The following PCDH9 variants were observed in gnomAD, a reference collection of about 807,000 sequenced individuals.
PCDH9 encodes protocadherin 9.
Under a neutral mutation model 70.6 loss-of-function variants are expected in PCDH9, and 24 were observed. The ratio of observed to expected loss-of-function variants is 0.34; its 90% CI spans 0.25 to 0.48. PCDH9 has a LOEUF of 0.48. PCDH9 is among the 20% of genes least tolerant of loss of function. PCDH9 has a pLI of 0.99. For synonymous variants in PCDH9, 562 were observed against 558.5 expected, an observed-to-expected ratio of 1.01 and a Z score of -0.09; for missense variants, 1,281 against 1,503.6, an observed-to-expected ratio of 0.85 and a Z score of 2.45.
At chr13:66,941,346 A>T (rs2083003626) in intron 2 of PCDH9, among the ~76,000 whole-genome samples, 1 of 151,884 alleles carries the variant, frequency 6.6e-6, no homozygotes, top group Non-Finnish European at 1.5e-5. Flanking sequence ...AAGCAAAAAA[A>T]TGAACAAATG....
chr13:66,361,677 T>C (rs1956473536), intron 4 of PCDH9, among the ~76,000 whole-genome samples: 1 of 152,168 alleles, frequency 6.6e-6, no homozygotes, highest in Non-Finnish European at 1.5e-5. Flanking sequence ...CACCCTATTG[T>C]ATAAATTCAT....
chr13:66,572,018 G>A (rs75761440), intron 4 of PCDH9, among the ~76,000 whole-genome samples: 1 of 151,854 alleles, frequency 6.6e-6, no homozygotes, highest in Non-Finnish European at 1.5e-5. Flanking sequence ...AAAAAGAAAG[G>A]AATATAATTT....
In PCDH9 at chr13:67,225,789, A is replaced by G. The variant is rs756196323; in HGVS notation, c.2652T>C (p.Phe884=). The change falls in exon 2 of 5, where the codon TTT becomes TTC. Residue 884 remains phenylalanine, a synonymous_variant. Transcript: ENST00000377865. ...CGGGTTTGGACTCTTCGATAGTAACAAAGTTCAAAAGAGAGCTTTTGGGAG... is the reference window on the plus strand; with the variant it reads ...CGGGTTTGGACTCTTCGATAGTAACGAAGTTCAAAAGAGAGCTTTTGGGAG... ...RKSPKSSLLN[F]VTIEESKPDD... is the part of the protein sequence containing the mutation. 1.1e-5 allele frequency: 17 copies of G among 1,614,042 alleles called. No homozygotes were observed. In the South Asian group the frequency reaches 1.6e-4, roughly 16 times the overall value.
At chr13:67,008,381 T>C (rs1030657856) in intron 2 of PCDH9, among the ~76,000 whole-genome samples, 1 of 152,128 alleles carries the variant, frequency 6.6e-6, no homozygotes, top group Non-Finnish European at 1.5e-5. Flanking sequence ...TATAAAACTG[T>C]TGGTTTATAT....
intron 2 of PCDH9, chr13:67,212,148 T>C (rs532242929): frequency 6.6e-6 from 1 of 152,214 alleles, no homozygotes; most frequent in South Asian, 2.1e-4. Flanking sequence ...ATTTTAAGAA[T>C]GAAAAAGTAC....
At chr13:66,613,441 C>T (rs2077318107) in intron 4 of PCDH9, among the ~76,000 whole-genome samples, 1 of 152,204 alleles carries the variant, frequency 6.6e-6, no homozygotes, top group Non-Finnish European at 1.5e-5. Flanking sequence ...GGCCCCTCAA[C>T]TGTCACTGTT....
chr13:66,455,121 G>T (rs1417691768), intron 4 of PCDH9, among the ~76,000 whole-genome samples: 1 of 151,916 alleles, frequency 6.6e-6, no homozygotes, highest in Admixed American at 6.6e-5. Context: ...CCATCACCTA[G>T]CCAATTCAAT....
intron 2 of PCDH9, among the ~76,000 whole-genome samples, chr13:67,033,816 T>A (rs139177874): frequency 6.6e-6 from 1 of 152,136 alleles, no homozygotes; most frequent in African/African-American, 2.4e-5. Context: ...AGAAGCAAGA[T>A]AGTCAACATT....
chr13:66,827,163 C>G (rs2080838434), intron 3 of PCDH9, among the ~76,000 whole-genome samples: 1 of 151,872 alleles, frequency 6.6e-6, no homozygotes, highest in African/African-American at 2.4e-5. Context: ...ATGCAGGAAG[C>G]AAGAAAAGGC....
intron 4 of PCDH9, among the ~76,000 whole-genome samples, chr13:66,610,752 G>A (rs1041679314): frequency 6.6e-6 from 1 of 152,090 alleles, no homozygotes. Flanking sequence ...CTTCTTTCAT[G>A]TTACGTAAAA....
At chr13:66,840,115 A>G (rs958207133) in intron 3 of PCDH9, among the ~76,000 whole-genome samples, 5 of 152,068 alleles carry the variant, frequency 3.3e-5, no homozygotes, top group African/African-American at 9.7e-5. Context: ...TCTTCCCACA[A>G]TAGTCAAGCC....
At chr13:66,886,613 T>G (rs542327817) in intron 3 of PCDH9, among the ~76,000 whole-genome samples, 1 of 152,230 alleles carries the variant, frequency 6.6e-6, no homozygotes, top group Non-Finnish European at 1.5e-5. Context: ...AAGGGTACAT[T>G]TCTGTATACT....
chr13:67,123,757 A>G (rs1346145852), intron 2 of PCDH9, among the ~76,000 whole-genome samples: 1 of 152,110 alleles, frequency 6.6e-6, no homozygotes, highest in East Asian at 1.9e-4. Flanking sequence ...CAAATATTAA[A>G]AAGAAATTAA....
chr13:66,311,153 T>C (rs796646536), intron 4 of PCDH9, among the ~76,000 whole-genome samples: 6 of 152,256 alleles, frequency 3.9e-5, no homozygotes, highest in African/African-American at 1.4e-4. Flanking sequence ...CACTTACAGC[T>C]ATTGATATGC....
chr13:66,397,834 G>A (rs2138286390), intron 4 of PCDH9, among the ~76,000 whole-genome samples: 1 of 151,732 alleles, frequency 6.6e-6, no homozygotes, highest in East Asian at 1.9e-4. Flanking sequence ...TCATATGAAT[G>A]CAAAATAACA....
chr13:66,360,652 A>T (rs1050007762), intron 4 of PCDH9, among the ~76,000 whole-genome samples: 1 of 152,084 alleles, frequency 6.6e-6, no homozygotes, highest in African/African-American at 2.4e-5. Context: ...ATTGTATATT[A>T]AAAAATTGAA....
intron 2 of PCDH9, among the ~76,000 whole-genome samples, chr13:66,949,188 A>G (rs1200238598): frequency 6.6e-6 from 1 of 152,142 alleles, no homozygotes; most frequent in Non-Finnish European, 1.5e-5. Flanking sequence ...TTTATCCAAA[A>G]TGGTATTTCC....
chr13:66,836,803 G>A (rs2081029559), intron 3 of PCDH9, among the ~76,000 whole-genome samples: 1 of 152,096 alleles, frequency 6.6e-6, no homozygotes, highest in Non-Finnish European at 1.5e-5. Context: ...AAAATCCTCG[G>A]TCAGATTTTC....
intron 4 of PCDH9, among the ~76,000 whole-genome samples, chr13:66,533,963 A>G (rs1466099766): frequency 6.6e-6 from 1 of 152,134 alleles, no homozygotes; most frequent in Non-Finnish European, 1.5e-5. Flanking sequence ...TAACACTATG[A>G]AAGGATCATC....
Sources: allele counts gnomAD v4.1 joint callset (sites outside exome capture counted in the v4.1 genomes callset), GRCh38; gene constraint gnomAD v4.1.1; transcripts MANE v1.5; gene names NCBI Gene and HGNC (gene_info 2026-07-23, HGNC 2026-07-21).